BLNK: variants seen among roughly 807,000 people sequenced by gnomAD.
BLNK encodes B cell linker.
Under a neutral mutation model 73.5 loss-of-function variants are expected in BLNK, and 29 were observed. That is an observed-to-expected ratio of 0.39 (90% CI 0.29 to 0.54). BLNK has a LOEUF of 0.54. BLNK is among the 20% of genes least tolerant of loss of function. The probability of loss-of-function intolerance (pLI) is 0.61; values close to 1 mark genes in which losing one functional copy is unlikely to be tolerated. For missense variants in BLNK, 460 were observed against 562.8 expected, an observed-to-expected ratio of 0.82 and a Z score of 1.85; for synonymous variants, 176 against 200.8, an observed-to-expected ratio of 0.88 and a Z score of 1.04.
At chr10:96,262,926 G>A (rs1843821958) in intron 1 of BLNK, among the ~76,000 whole-genome samples, 1 of 152,186 alleles carries the variant, frequency 6.6e-6, no homozygotes, top group Non-Finnish European at 1.5e-5. Context: ...AGACATGGAG[G>A]GGTCGTCTAG....
intron 16 of BLNK, among the ~76,000 whole-genome samples, chr10:96,194,768 A>ATTTTTTTTTTTTTTTTTTTT (rs71034364): frequency 2.7e-5 from 3 of 110,286 alleles, no homozygotes; most frequent in Non-Finnish European, 5.4e-5. Context: ...AGAAATGCAA[A>ATTTTTTTTTTTTTTTTTTTT]TTTTTTTTTT....
Position 96,189,972 on chromosome 10 carries a change from G to A in BLNK, c.*2001C>T. The A allele has an allele frequency of 1.2e-6, 1 of 866,804 alleles. No homozygotes were observed. Among genetic ancestry groups the A allele is most frequent in the South Asian group, 1.3e-5 (1 of 76,590 alleles). The allele number at this position is 866,804 out of a possible 1,614,324, so 53.7% of individuals were successfully genotyped here. On this transcript the variant is annotated 3_prime_UTR_variant, in exon 17 of 17. Coordinates refer to ENST00000224337, the MANE Select transcript of BLNK (RefSeq NM_013314.4). ...AAGACCCCAAGGGAAACTGTTGGCT[G>A]TACAGACATTTTCAAAGGTGCCAGT...
chr10:96,224,234 A>G (rs1554901935), intron 5 of BLNK, among the ~76,000 whole-genome samples: 1 of 152,226 alleles, frequency 6.6e-6, no homozygotes, highest in South Asian at 2.1e-4. Flanking sequence ...AGTGATGGAC[A>G]CCCAGAGGTT....
At chr10:96,223,332 G>A (rs761410692) in intron 6 of BLNK, among the ~76,000 whole-genome samples, 8 of 152,106 alleles carry the variant, frequency 5.3e-5, no homozygotes, top group African/African-American at 1.9e-4. Context: ...GTCAAACAGC[G>A]CACTGGATCT....
chr10:96,217,720 C>T (rs1027125073), intron 6 of BLNK, among the ~76,000 whole-genome samples: 1 of 152,122 alleles, frequency 6.6e-6, no homozygotes, highest in Non-Finnish European at 1.5e-5. Context: ...ATCAGATATA[C>T]AATTTACAAA....
chr10:96,243,890 A>T (rs1291666899), intron 2 of BLNK, among the ~76,000 whole-genome samples: 2 of 152,182 alleles, frequency 1.3e-5, no homozygotes, highest in African/African-American at 2.4e-5. Flanking sequence ...AATTTAAAAT[A>T]TACATAAATA....
rs190400938 is a variant in BLNK, at chr10:96,262,188, G to T, written c.47+9164C>A. ...GGTCTGAGTTGGTTATCAGATAAAT[G>T]AGTCCTGCGTGGGTGCTAGTGACAG... On this transcript the variant is annotated intron_variant, in intron 1 of 16. Coordinates refer to ENST00000224337, the MANE Select transcript of BLNK (RefSeq NM_013314.4). 3.2e-3 allele frequency among the ~76,000 whole-genome samples: 491 copies of T among 152,222 alleles called. 3 individuals are homozygous for T. The highest frequency in any genetic ancestry group is 0.01 in the African/African-American group (419 of 41,556).
chr10:96,194,918 G>A (rs1485963956), intron 16 of BLNK, among the ~76,000 whole-genome samples: 1 of 151,058 alleles, frequency 6.6e-6, no homozygotes, highest in Non-Finnish European at 1.5e-5. Flanking sequence ...CTACAGGCAC[G>A]CGCCACCATG....
chr10:96,245,113 G>T (rs190678894), intron 2 of BLNK, among the ~76,000 whole-genome samples: 1 of 151,938 alleles, frequency 6.6e-6, no homozygotes, highest in East Asian at 1.9e-4. Context: ...CTCCTCCTCT[G>T]TAAGATGACC....
At chr10:96,208,481 T>C (rs982772986) in intron 9 of BLNK, among the ~76,000 whole-genome samples, 8 of 152,170 alleles carry the variant, frequency 5.3e-5, no homozygotes, top group Non-Finnish European at 1.0e-4. Context: ...ACCACTGATG[T>C]GTGGTCCTGA....
At chr10:96,211,675 C>T (rs1455866225) in intron 8 of BLNK, among the ~76,000 whole-genome samples, 6 of 152,290 alleles carry the variant, frequency 3.9e-5, no homozygotes, top group East Asian at 1.9e-4. Context: ...CTGTCTTCCA[C>T]GGTACCTGAA....
chr10:96,201,002 T>C lies in BLNK; in HGVS notation c.991A>G (p.Asn331Asp). 1 of 1,614,118 alleles carries C rather than the reference T, an allele frequency of 6.2e-7. No homozygotes were observed. The highest frequency in any genetic ancestry group is 8.5e-7 in the Non-Finnish European group (1 of 1,179,970). ...VDGPLPSFSS[N>D]STISEQEAGV... is the part of the protein sequence containing the mutation. ...CATACCTGTTCTGAAATAGTGGAAT[T>C]AGATGAAAAGCTGGGTAGGGGCCCA... Residue 331 changes from asparagine (N) to aspartate (D), a missense_variant, in exon 14 of 17, where the codon AAT becomes GAT. Physicochemically the swap from Asn to Asp is conservative, Grantham distance 23. Transcript: ENST00000224337.
At chr10:96,265,967 C>A (rs1172806821) in intron 1 of BLNK, among the ~76,000 whole-genome samples, 2 of 152,172 alleles carry the variant, frequency 1.3e-5, no homozygotes, top group East Asian at 3.8e-4. Flanking sequence ...TGATGGAGAA[C>A]CATTGATTGA....
chr10:96,223,831 C>T lies in BLNK; in HGVS notation c.520G>A (p.Asp174Asn), dbSNP rs782646551. 5 of 1,613,650 alleles carry T rather than the reference C, an allele frequency of 3.1e-6. No homozygotes were observed. Among genetic ancestry groups the T allele is most frequent in the Non-Finnish European group, 4.2e-6 (5 of 1,180,006 alleles). Residue 174 changes from aspartate to asparagine, a missense_variant, in exon 6 of 17, where the codon GAT (aspartate) becomes AAT (asparagine). Around this residue, in one of 3 missense-constraint regions of BLNK, gnomAD observed 233 missense variants for 232.1 expected, o/e 1.00. Transcript: ENST00000224337. ...VPPKPKGLLE[D>N]EADYVVPVED... ...TTGGCACAGATTTACTTTACCTCAT[C>T]CTCAAGGAGGCCTTTGGGTTTGGGT...
chr10:96,196,679 C>A (rs587617027), intron 16 of BLNK, among the ~76,000 whole-genome samples: 15 of 152,276 alleles, frequency 9.9e-5, no homozygotes, highest in African/African-American at 3.1e-4. Context: ...CATTAAATAA[C>A]TGAATGAAAG....
chr10:96,255,470 A>AGCACAG (rs1843470092), intron 1 of BLNK, among the ~76,000 whole-genome samples: 1 of 152,030 alleles, frequency 6.6e-6, no homozygotes, highest in Admixed American at 6.5e-5. Flanking sequence ...CACAGAGGAC[A>AGCACAG]ATGATAGGCA....
At chr10:96,243,548 A>G (rs1470490242) in intron 2 of BLNK, among the ~76,000 whole-genome samples, 1 of 152,164 alleles carries the variant, frequency 6.6e-6, no homozygotes, top group Non-Finnish European at 1.5e-5. Context: ...CACTGTCTTT[A>G]AAAAGGAAAA....
intron 1 of BLNK, among the ~76,000 whole-genome samples, chr10:96,265,945 C>CCTGATGG (rs1287721248): frequency 2.0e-5 from 3 of 152,188 alleles, no homozygotes; most frequent in African/African-American, 7.2e-5. Flanking sequence ...CCCTTGGGGA[C>CCTGATGG]AAAATTGCCC....
chr10:96,245,125 C>T (rs1728500227), intron 2 of BLNK, among the ~76,000 whole-genome samples: 4 of 151,906 alleles, frequency 2.6e-5, no homozygotes, highest in African/African-American at 9.7e-5. Flanking sequence ...AAGATGACCA[C>T]CACCTCACAA....
Sources: allele counts gnomAD v4.1 joint callset (sites outside exome capture counted in the v4.1 genomes callset), GRCh38; gene constraint gnomAD v4.1.1; regional missense constraint gnomAD v4.1.1; transcripts MANE v1.5; gene names NCBI Gene and HGNC (gene_info 2026-07-23, HGNC 2026-07-21).